ADA2: variants seen among roughly 807,000 people sequenced by gnomAD.
ADA2 encodes the protein adenosine deaminase CECR1.
ADA2 carries 29 observed loss-of-function variants against 44.2 expected under a neutral mutation model. The observed-to-expected ratio is 0.66, with a 90% CI of 0.49 to 0.89. The LOEUF (loss-of-function observed/expected upper bound fraction) is 0.89, where lower values mean the gene tolerates loss of function less well. ADA2 is among the 40% of genes least tolerant of loss of function. ADA2 has a pLI of 0.00. For missense variants in ADA2, 637 were observed against 644.8 expected (o/e 0.99, Z 0.13); for synonymous variants, 215 against 234.9 (o/e 0.92, Z 0.77).
At chr22:17,219,469 C>T (rs982216991), upstream of ADA2, 1 of 152,294 alleles carries the variant, frequency 6.6e-6, no homozygotes, top group South Asian at 2.1e-4. Context: ...TTTTATTTCC[C>T]TCCAGTGTGC....
chr22:17,190,111 G>C (rs576448885), intron 5 of ADA2, 79 bp from the exon 6 acceptor site: 14 of 1,174,136 alleles, frequency 1.2e-5, no homozygotes, highest in Middle Eastern at 1.9e-4. Context: ...CCTCCGTGCA[G>C]GGCTGGGCCA....
At chr22:17,190,877 C>T in intron 5 of ADA2, among the ~76,000 whole-genome samples, 1 of 152,238 alleles carries the variant, frequency 6.6e-6, no homozygotes, top group Middle Eastern at 3.2e-3. Context: ...CTCCTCCAGG[C>T]CCCAGGCCCC....
At position 17,178,804 on chromosome 22, in the gene ADA2, G is replaced by A. The variant is rs1363209844; in HGVS notation, c.*2679C>T. ...AAAGCACAAAGGCAAGACTATTGCTGGTTCATTTTGCCAAATCAGAGATCA... is the reference window on the plus strand; with the variant it reads ...AAAGCACAAAGGCAAGACTATTGCTAGTTCATTTTGCCAAATCAGAGATCA... On this transcript the variant is annotated 3_prime_UTR_variant, in exon 10 of 10. Coordinates refer to ENST00000399837, the MANE Select transcript of ADA2 (RefSeq NM_001282225.2). 4 of 151,732 alleles carry A rather than the reference G, an allele frequency of 2.6e-5. No individual in the cohort carries two copies. Among genetic ancestry groups the A allele is most frequent in the African/African-American group, 9.7e-5 (4 of 41,290 alleles). The allele number at this position is 151,732 out of a possible 1,614,324, so 9.4% of individuals were successfully genotyped here. A position where few individuals can be genotyped will look rare whatever the true frequency, so the allele number is the denominator to read the frequency against.
chr22:17,201,642 AC>A (rs1259840979), intron 4 of ADA2, among the ~76,000 whole-genome samples: 2 of 151,996 alleles, frequency 1.3e-5, no homozygotes, highest in Non-Finnish European at 2.9e-5. Context: ...GATCCTGCCC[AC>A]TCCCACAATA....
chr22:17,197,655 G>T (rs2062209658), intron 4 of ADA2, among the ~76,000 whole-genome samples: 1 of 152,218 alleles, frequency 6.6e-6, no homozygotes, highest in African/African-American at 2.4e-5. Context: ...CCAGGCATAT[G>T]CAGGGGGCTT....
At chr22:17,195,895 A>G (rs8138890) in intron 4 of ADA2, among the ~76,000 whole-genome samples, 90,263 of 151,516 alleles carry the variant, frequency 0.6, 27,891 homozygotes, top group East Asian at 0.96. Context: ...TTACAGGCAC[A>G]TGCCACCACG....
intron 4 of ADA2, among the ~76,000 whole-genome samples, chr22:17,194,101 A>C (rs1326558485): frequency 1.3e-5 from 2 of 151,852 alleles, no homozygotes; most frequent in African/African-American, 4.8e-5. Context: ...GTTTGTTGTG[A>C]CTGGATGGGT....
chr22:17,207,021 T>C lies in ADA2; in HGVS notation c.542+50A>G, dbSNP rs765813850. Reference sequence around the variant, plus strand: ...TGTACCAAGGGAGACACCTACCCACTGCCACCCCATGACAGGCCTGGGACA... The same window carrying C: ...TGTACCAAGGGAGACACCTACCCACCGCCACCCCATGACAGGCCTGGGACA... On this transcript the variant is annotated intron_variant, in intron 3 of 9. Transcript: ENST00000399837. 2.8e-6 allele frequency: 4 copies of C among 1,438,386 alleles called. No homozygotes were observed. The African/African-American group carries it at 4.2e-5, about 15-fold the overall frequency. 89.1% of individuals were successfully genotyped at this position (1,438,386 alleles called of 1,614,324 possible).
At chr22:17,196,479 G>A (rs1309078355) in intron 4 of ADA2, among the ~76,000 whole-genome samples, 1 of 152,156 alleles carries the variant, frequency 6.6e-6, no homozygotes, top group East Asian at 1.9e-4. Flanking sequence ...GAACCACTGT[G>A]TTAACCCAAC....
At position 17,207,193 on chromosome 22, in the gene ADA2, T is replaced by C; in HGVS notation, c.420A>G (p.Pro140=). ...CAAATCTGAACTGCATGATCCCCCT[T>C]GGGGTGAAACAGATGTGGCAGTGAG... ...YRPHCHICFT[P]RGIMQFRFAH... The change falls in exon 3 of 10, where the codon CCA becomes CCG. Residue 140 remains proline (P), a synonymous_variant. Coordinates refer to ENST00000399837, the MANE Select transcript of ADA2 (RefSeq NM_001282225.2). 6.2e-7 allele frequency: 1 copy of C among 1,614,152 alleles called. No individual in the cohort carries two copies. The highest frequency in any genetic ancestry group is 1.1e-5 in the South Asian group (1 of 91,088).
Position 17,209,666 on chromosome 22 carries a change from A to G in ADA2, c.12T>C (p.Asp4=). ...ACAGGGCTGGCCGCTCAGATGGGCCATCCACCAACATCGGGATGCCTGGAC... is the reference window on the plus strand; with the variant it reads ...ACAGGGCTGGCCGCTCAGATGGGCCGTCCACCAACATCGGGATGCCTGGAC... MLV[D]GPSERPALCF... is the part of the protein sequence containing the mutation. The change falls in exon 2 of 10, where the codon GAT becomes GAC. Residue 4 remains aspartate, a synonymous_variant. Coordinates refer to ENST00000399837, the MANE Select transcript of ADA2 (RefSeq NM_001282225.2). 6.2e-7 allele frequency: 1 copy of G among 1,612,082 alleles called. No homozygotes were observed. The highest frequency in any genetic ancestry group is 8.5e-7 in the Non-Finnish European group (1 of 1,179,314).
Position 17,182,234 on chromosome 22 carries a change from A to T in ADA2, c.1240-212T>A, listed in dbSNP as rs536590077. 3.9e-5 allele frequency among the ~76,000 whole-genome samples: 6 copies of T among 152,278 alleles called. No homozygotes were observed. In the East Asian group the frequency reaches 9.7e-4, roughly 25 times the overall value. On this transcript the variant is annotated intron_variant, in intron 8 of 9. Transcript: ENST00000399837. ...CTCATGTTTCATCAGCACTGCAAAC[A>T]TCGGGTCACTTCTGTTCCTGCTCAG...
intron 1 of ADA2, among the ~76,000 whole-genome samples, chr22:17,215,675 TA>T (rs1279762904): frequency 5.9e-5 from 9 of 151,766 alleles, no homozygotes; most frequent in African/African-American, 2.2e-4. Flanking sequence ...GACATAATGT[TA>T]AATGAAATAA....
At chr22:17,199,446 T>TCCCCACCTCTATCCACTTCCCCA in intron 4 of ADA2, 2 of 917,626 alleles carry the variant, frequency 2.2e-6, no homozygotes, top group Non-Finnish European at 3.5e-6. Flanking sequence ...CCTCTTCCCC[T>TCCCCACCTCTATCCACTTCCCCA]CCACCCACGA....
chr22:17,207,837 A>G (rs1184955551), intron 2 of ADA2, among the ~76,000 whole-genome samples: 1 of 151,954 alleles, frequency 6.6e-6, no homozygotes, highest in Non-Finnish European at 1.5e-5. Context: ...CCTGCCCCTC[A>G]ACTCCTCTCC....
intron 1 of ADA2, chr22:17,213,583 G>T (rs9619014): frequency 3.4e-6 from 1 of 297,924 alleles, no homozygotes; most frequent in Non-Finnish European, 6.7e-6. Flanking sequence ...GTGACCAAGC[G>T]GAAGAAGAAA....
At chr22:17,220,741 G>A (rs1200108310), upstream of ADA2, among the ~76,000 whole-genome samples, 2 of 151,952 alleles carry the variant, frequency 1.3e-5, no homozygotes, top group Non-Finnish European at 2.9e-5. Context: ...GGCAGTTTCA[G>A]TTCTGCAGCT....
chr22:17,181,975 C>G lies in ADA2; in HGVS notation c.1287G>C (p.Leu429=). Residue 429 remains leucine, a synonymous_variant, in exon 9 of 10, where the codon CTG becomes CTC. Coordinates refer to ENST00000399837, the MANE Select transcript of ADA2 (RefSeq NM_001282225.2). ...TCACCATGGGGTGCCCAGTGGCCAT[C>G]AGAGTGGCTACAGGGTGGTTCCTCA... is the stretch of plus-strand genomic sequence containing the variant. ...SDLRNHPVAT[L]MATGHPMVIS... The G allele has an allele frequency of 6.2e-7, 1 of 1,614,168 alleles. No homozygotes were observed. The highest frequency in any genetic ancestry group is 8.5e-7 in the Non-Finnish European group (1 of 1,180,018).
chr22:17,195,310 C>T (rs1029173783), intron 4 of ADA2, among the ~76,000 whole-genome samples: 3 of 152,098 alleles, frequency 2.0e-5, no homozygotes, highest in Non-Finnish European at 2.9e-5. Flanking sequence ...GGGCAAATCA[C>T]CTGAGGTCAG....
Sources: gnomAD v4.1 joint callset for allele counts (sites outside exome capture counted in the v4.1 genomes callset) on GRCh38, gnomAD v4.1.1 for gene constraint, MANE v1.5 for transcripts, NCBI Gene and HGNC (gene_info 2026-07-23, HGNC 2026-07-21) for gene names.